NRG1: variants seen among roughly 807,000 people sequenced by gnomAD.
NRG1 encodes neuregulin 1.
A neutral mutation model predicts 63.8 loss-of-function variants in NRG1; 18 were observed. That is an observed-to-expected ratio of 0.28 (90% CI 0.19 to 0.42). The LOEUF (loss-of-function observed/expected upper bound fraction) is 0.42, where lower values mean the gene tolerates loss of function less well. NRG1 is among the 10% of genes least tolerant of loss of function. The pLI, the probability that NRG1 is intolerant of heterozygous loss-of-function variation, is 1.00. For synonymous variants in NRG1, 302 were observed against 301.3 expected, an observed-to-expected ratio of 1.00 and a Z score of -0.02; for missense variants, 762 against 814.7, an observed-to-expected ratio of 0.94 and a Z score of 0.79.
chr8:32,119,508 C>G (rs1833162603), intron 1 of NRG1, among the ~76,000 whole-genome samples: 1 of 152,042 alleles, frequency 6.6e-6, no homozygotes, highest in Non-Finnish European at 1.5e-5. Flanking sequence ...TCACCCAAAC[C>G]ATGTTCTCCT....
At chr8:32,323,351 A>G (rs1169678385) in intron 1 of NRG1, among the ~76,000 whole-genome samples, 1 of 152,218 alleles carries the variant, frequency 6.6e-6, no homozygotes, top group Non-Finnish European at 1.5e-5. Flanking sequence ...GTTGATACCA[A>G]CATGAATCTC....
chr8:32,403,107 T>C (rs1342181631), intron 1 of NRG1, among the ~76,000 whole-genome samples: 2 of 151,640 alleles, frequency 1.3e-5, no homozygotes, highest in African/African-American at 2.4e-5. Context: ...AAGACCAGCC[T>C]GGGCAAGATG....
intron 1 of NRG1, among the ~76,000 whole-genome samples, chr8:31,894,680 A>T (rs1831430522): frequency 6.6e-6 from 1 of 151,148 alleles, no homozygotes; most frequent in East Asian, 1.9e-4. Flanking sequence ...CCTCCTGAGT[A>T]GCTGGGACTA....
chr8:31,805,953 G>A (rs1240234933), intron 1 of NRG1, among the ~76,000 whole-genome samples: 1 of 151,206 alleles, frequency 6.6e-6, no homozygotes, highest in African/African-American at 2.4e-5. Flanking sequence ...ATATTTAAAT[G>A]AAATACACAT....
intron 1 of NRG1, among the ~76,000 whole-genome samples, chr8:32,058,807 ATTTTCTCT>A (rs1823384494): frequency 6.6e-6 from 1 of 151,796 alleles, no homozygotes; most frequent in Non-Finnish European, 1.5e-5. Context: ...GACTTGCAAT[ATTTTCTCT>A]TTATTCCCCA....
chr8:32,200,250 G>A lies in NRG1; in HGVS notation c.38-395578G>A, dbSNP rs547591575. On this transcript the variant is annotated intron_variant, in intron 1 of 10. Transcript: ENST00000519301. Reference sequence around the variant, plus strand: ...AGTGTTTTTTGAAGATGTCTTTTTGGATTAAATTCTAGAAACCGCCTCAAC... The same window carrying A: ...AGTGTTTTTTGAAGATGTCTTTTTGAATTAAATTCTAGAAACCGCCTCAAC... Among the ~76,000 whole-genome samples the A allele has an allele frequency of 7.5e-4, 114 of 152,134 alleles. 1 individual carries two copies. The highest frequency in any genetic ancestry group is 2.1e-3 in the South Asian group (10 of 4,826).
intron 1 of NRG1, among the ~76,000 whole-genome samples, chr8:32,458,416 A>G (rs1821882851): frequency 6.6e-6 from 1 of 152,166 alleles, no homozygotes. Context: ...TTTCATTCTC[A>G]AAGCATGGAT....
At chr8:32,616,972 C>A in intron 5 of NRG1, 87 bp downstream of exon 5, 1 of 998,430 alleles carries the variant, frequency 1.0e-6, no homozygotes, top group Admixed American at 1.9e-5. Flanking sequence ...TATCTTCTGC[C>A]CCTATTAAGG....
rs532395707 is a variant in NRG1, at chr8:32,491,816, G to A, written c.38-104012G>A. 7.2e-5 allele frequency among the ~76,000 whole-genome samples: 11 copies of A among 152,320 alleles called. No individual in the cohort carries two copies. The South Asian group carries it at 2.1e-3, about 29-fold the overall frequency. ...AACTTGGGCCACTTCCCTCTTTGAG[G>A]TTTGTGAGGCCAAAGGGATATACAC... On this transcript the variant is annotated intron_variant, in intron 1 of 10. Transcript: ENST00000519301.
intron 1 of NRG1, among the ~76,000 whole-genome samples, chr8:31,694,887 T>C (rs1424785425): frequency 6.6e-6 from 1 of 152,234 alleles, no homozygotes; most frequent in Non-Finnish European, 1.5e-5. Context: ...TAGCTTTTTA[T>C]TGGGGGAAAA....
intron 5 of NRG1, among the ~76,000 whole-genome samples, chr8:32,713,768 A>G (rs1369281495): frequency 6.8e-6 from 1 of 147,354 alleles, no homozygotes; most frequent in African/African-American, 2.5e-5. Context: ...ATATATTTAT[A>G]TAATTAAAAT....
intron 1 of NRG1, among the ~76,000 whole-genome samples, chr8:31,762,618 A>G (rs952795562): frequency 5.9e-5 from 9 of 152,066 alleles, no homozygotes; most frequent in African/African-American, 2.2e-4. Flanking sequence ...GTTATGCCTT[A>G]AACTTTTATT....
intron 1 of NRG1, among the ~76,000 whole-genome samples, chr8:31,996,019 CCTCTT>C (rs1811911948): frequency 1.3e-5 from 2 of 151,748 alleles, no homozygotes; most frequent in South Asian, 4.2e-4. Flanking sequence ...ACCTCCATCT[CCTCTT>C]CTCTTCTTTC....
intron 1 of NRG1, among the ~76,000 whole-genome samples, chr8:32,137,134 G>T (rs1835636830): frequency 6.6e-6 from 1 of 152,060 alleles, no homozygotes; most frequent in Non-Finnish European, 1.5e-5. Context: ...TGAGTCACCA[G>T]TGTCTTCTTG....
chr8:32,630,717 G>A (rs1850120726), intron 5 of NRG1, among the ~76,000 whole-genome samples: 1 of 145,018 alleles, frequency 6.9e-6, no homozygotes, highest in East Asian at 2.0e-4. Flanking sequence ...GACTTATTTT[G>A]TCAGATTTTA....
chr8:32,002,802 A>G (rs1813148879), intron 1 of NRG1, among the ~76,000 whole-genome samples: 1 of 152,076 alleles, frequency 6.6e-6, no homozygotes. Context: ...CTATATGTAA[A>G]CTTCTGTGTC....
intron 1 of NRG1, among the ~76,000 whole-genome samples, chr8:31,930,330 A>C (rs540441696): frequency 3.4e-4 from 52 of 152,326 alleles, no homozygotes; most frequent in Middle Eastern, 6.8e-3. Context: ...CTTTGACTTT[A>C]ATAGCTGTGA....
Position 31,828,447 on chromosome 8 carries a change from C to A in NRG1, c.37+189016C>A, listed in dbSNP as rs369612512. 1.3e-4 allele frequency among the ~76,000 whole-genome samples: 20 copies of A among 152,284 alleles called. No individual in the cohort carries two copies. The East Asian group carries it at 1.5e-3, about 12-fold the overall frequency. The stretch of plus-strand genomic sequence containing the variant: ...TAGCTGCGTGGAGCTAAGGTCATGG[C>A]AGAACCAAAGAGCTCTGGGCACAGA... On this transcript the variant is annotated intron_variant, in intron 1 of 10. Coordinates refer to the NRG1 transcript ENST00000519301.
intron 5 of NRG1, among the ~76,000 whole-genome samples, chr8:32,627,093 G>C (rs1849446918): frequency 6.6e-6 from 1 of 151,740 alleles, no homozygotes; most frequent in Admixed American, 6.6e-5. Flanking sequence ...TTTTACTGTT[G>C]TCTGTCTCCT....
Sources: allele counts gnomAD v4.1 joint callset (sites outside exome capture counted in the v4.1 genomes callset), GRCh38; gene constraint gnomAD v4.1.1; transcripts MANE v1.5; gene names NCBI Gene and HGNC (gene_info 2026-07-23, HGNC 2026-07-21).